The following BCR variants were observed in gnomAD, a reference collection of about 807,000 sequenced individuals.
The protein encoded by BCR is breakpoint cluster region protein.
BCR carries 58 observed loss-of-function variants against 138.6 expected under a neutral mutation model. The ratio of observed to expected loss-of-function variants is 0.42; its 90% CI spans 0.34 to 0.52. BCR has a LOEUF of 0.52. BCR is among the 20% of genes least tolerant of loss of function. The pLI is 0.06. For missense variants in BCR, 1,599 were observed against 1,727.2 expected, an observed-to-expected ratio of 0.93 and a Z score of 1.32; for synonymous variants, 786 against 730.1, an observed-to-expected ratio of 1.08 and a Z score of -1.23.
At position 23,180,591 on chromosome 22, in the gene BCR, C is replaced by G. The variant is rs1169273143; in HGVS notation, c.-370C>G. ...GAGGAGGCGGCGGCGGCGGCGGCGGCACGGCGGCGGCGGGGCTGTGGGGCG... is the reference window on the plus strand; with the variant it reads ...GAGGAGGCGGCGGCGGCGGCGGCGGGACGGCGGCGGCGGGGCTGTGGGGCG... On this transcript the variant is annotated 5_prime_UTR_variant, in exon 1 of 23. Coordinates refer to ENST00000305877, the MANE Select transcript of BCR (RefSeq NM_004327.4). 7.3e-5 allele frequency: 2 copies of G among 27,550 alleles called. No individual in the cohort carries two copies. The highest frequency in any genetic ancestry group is 9.5e-5 in the Non-Finnish European group (2 of 21,014). The allele number at this position is 27,550 out of a possible 1,614,324, so 1.7% of individuals were successfully genotyped here.
chr22:23,202,011 G>A (rs375508321), intron 1 of BCR, among the ~76,000 whole-genome samples: 2 of 152,038 alleles, frequency 1.3e-5, no homozygotes, highest in African/African-American at 2.4e-5. Context: ...TTGGGTGTCC[G>A]GCCTTAGTTA....
chr22:23,250,258 G>T (rs570223310), intron 1 of BCR, among the ~76,000 whole-genome samples: 1 of 152,334 alleles, frequency 6.6e-6, no homozygotes, highest in African/African-American at 2.4e-5. Flanking sequence ...CATGGGCTCG[G>T]AAAGCACTCA....
At chr22:23,312,704 A>G in intron 19 of BCR, 183 bp from the exon 20 acceptor site, 2 of 589,242 alleles carry the variant, frequency 3.4e-6, no homozygotes, top group Admixed American at 3.0e-5. Flanking sequence ...ACGCACCCCT[A>G]TCAACTCTGC....
At chr22:23,278,529 C>G (rs930378581) in intron 8 of BCR, among the ~76,000 whole-genome samples, 1 of 152,122 alleles carries the variant, frequency 6.6e-6, no homozygotes, top group Non-Finnish European at 1.5e-5. Flanking sequence ...GACTTTGAGA[C>G]CAGCCTGGCC....
At chr22:23,237,350 GGATAGGA>G (rs754014421) in intron 1 of BCR, among the ~76,000 whole-genome samples, 45 of 152,348 alleles carry the variant, frequency 3.0e-4, no homozygotes, top group South Asian at 8.3e-4. Flanking sequence ...TGGGGAAGCA[GGATAGGA>G]GCTGGGCCTG....
chr22:23,248,292 C>T (rs1195712836), intron 1 of BCR, among the ~76,000 whole-genome samples: 1 of 150,064 alleles, frequency 6.7e-6, no homozygotes, highest in African/African-American at 2.5e-5. Flanking sequence ...TGCAGTGAGC[C>T]AAGATCGCGC....
intron 2 of BCR, chr22:23,254,420 C>T: frequency 2.0e-6 from 1 of 507,890 alleles, no homozygotes; most frequent in Middle Eastern, 3.2e-4. Flanking sequence ...ACTTGACCCT[C>T]ATTAATAATT....
rs1011147826 is a variant in BCR at position 23,185,239 on chromosome 22, G to A, written c.1279+3000G>A. ...TCCGTTTGGCACGTGGTGGCCCTGC[G>A]GTGTTCTTCCCACTACCCCACACTG... On this transcript the variant is annotated intron_variant, in intron 1 of 22. Transcript: ENST00000305877. Among the ~76,000 whole-genome samples, 5 of 152,284 alleles carry A rather than the reference G, an allele frequency of 3.3e-5. No individual in the cohort carries two copies. The South Asian group carries it at 1.0e-3, about 32-fold the overall frequency.
chr22:23,182,434 G>A (rs1183435466), intron 1 of BCR, among the ~76,000 whole-genome samples, 195 bp downstream of exon 1: 1 of 152,262 alleles, frequency 6.6e-6, no homozygotes, highest in African/African-American at 2.4e-5. Flanking sequence ...TACTGTTAGT[G>A]TTTGGAATGG....
intron 11 of BCR, among the ~76,000 whole-genome samples, 171 bp downstream of exon 11, chr22:23,287,449 C>G (rs935832724): frequency 5.3e-5 from 8 of 152,222 alleles, no homozygotes; most frequent in African/African-American, 1.9e-4. Flanking sequence ...GCTGTAGCCC[C>G]CAGGTTGAGT....
intron 2 of BCR, among the ~76,000 whole-genome samples, chr22:23,260,152 C>T (rs2073340880): frequency 6.6e-6 from 1 of 152,120 alleles, no homozygotes; most frequent in Non-Finnish European, 1.5e-5. Context: ...TAGAAGGTGG[C>T]CTCCCAGGGG....
At chr22:23,260,857 G>A in intron 2 of BCR, 93 bp from the exon 3 acceptor site, 1 of 1,211,486 alleles carries the variant, frequency 8.3e-7, no homozygotes. Flanking sequence ...TTTGTCCAGA[G>A]GTCAACAAGC....
intron 1 of BCR, among the ~76,000 whole-genome samples, chr22:23,247,187 G>A (rs566649239): frequency 6.6e-6 from 1 of 152,318 alleles, no homozygotes; most frequent in East Asian, 1.9e-4. Flanking sequence ...CCAAGAGGAG[G>A]GCAGGAGCCG....
intron 20 of BCR, 45 bp downstream of exon 20, chr22:23,313,066 G>C: frequency 6.5e-7 from 1 of 1,537,820 alleles, no homozygotes; most frequent in African/African-American, 1.4e-5. Context: ...TCTCCTCCAC[G>C]TGCACTGCTG....
chr22:23,297,207 G>GTTTTTTTTTTTTTTTTTTTTTTTTTTT (rs1307353327), intron 16 of BCR, among the ~76,000 whole-genome samples: 6 of 97,378 alleles, frequency 6.2e-5, no homozygotes, highest in Non-Finnish European at 2.0e-5. Flanking sequence ...TGGCTAAGTT[G>GTTTTTTTTTTTTTTTTTTTTTTTTTTT]TTTTTTGTTT....
intron 16 of BCR, among the ~76,000 whole-genome samples, chr22:23,297,669 C>G (rs1220945897): frequency 6.6e-6 from 1 of 152,164 alleles, no homozygotes; most frequent in Non-Finnish European, 1.5e-5. Flanking sequence ...TGCCTGGCTC[C>G]TTTTTTCAGC....
intron 4 of BCR, among the ~76,000 whole-genome samples, chr22:23,267,005 G>A (rs529813868): frequency 6.6e-6 from 1 of 152,102 alleles, no homozygotes; most frequent in African/African-American, 2.4e-5. Context: ...ATTCTCAAAA[G>A]CAGTCTCCTT....
chr22:23,243,655 T>TTC (rs2073123691), intron 1 of BCR, among the ~76,000 whole-genome samples: 2 of 151,854 alleles, frequency 1.3e-5, no homozygotes, highest in East Asian at 3.9e-4. Context: ...GCAATTTTTT[T>TTC]TTTTTTTTTT....
chr22:23,303,483 G>A (rs1395688230), intron 16 of BCR, among the ~76,000 whole-genome samples: 2 of 152,216 alleles, frequency 1.3e-5, no homozygotes, highest in South Asian at 2.1e-4. Flanking sequence ...GGGGCATTCC[G>A]AGATGAATGA....
Sources: allele counts gnomAD v4.1 joint callset (sites outside exome capture counted in the v4.1 genomes callset), GRCh38; gene constraint gnomAD v4.1.1; transcripts MANE v1.5; gene names NCBI Gene and HGNC (gene_info 2026-07-23, HGNC 2026-07-21).